The following ZNF292 variants were observed in gnomAD, a reference collection of about 807,000 sequenced individuals.
ZNF292 encodes zinc finger protein 292.
A neutral mutation model predicts 217.9 loss-of-function variants in ZNF292; 26 were observed. The observed-to-expected ratio is 0.12, with a 90% confidence interval of 0.09 to 0.17. The LOEUF is 0.17. Among genes scored for constraint, ZNF292 ranks in the 10% least tolerant of loss-of-function variants. The pLI is 1.00. For missense variants in ZNF292, 2,904 were observed against 3,175.2 expected (o/e 0.91, Z 2.05); for synonymous variants, 1,257 against 1,124.1 (o/e 1.12, Z -2.37).
chr6:87,255,091 G>A lies in ZNF292; in HGVS notation c.1462G>A (p.Glu488Lys). Residue 488 changes from glutamate to lysine, a missense_variant, in exon 8 of 8, where the codon GAG becomes AAG. Coordinates refer to ENST00000369577, the MANE Select transcript of ZNF292 (RefSeq NM_015021.3). Reference sequence around the variant, plus strand: ...TGAAAAAGTGGTAGACTACCAAGAAGAGAGTAAAGAAACTTCTATGAATGG... The same window carrying A: ...TGAAAAAGTGGTAGACTACCAAGAAAAGAGTAAAGAAACTTCTATGAATGG... The part of the protein sequence containing the change: ...VYEKVVDYQE[E>K]SKETSMNGLS... 1 of 1,613,592 alleles carries A rather than the reference G, an allele frequency of 6.2e-7. No homozygotes were observed. Among genetic ancestry groups the A allele is most frequent in the Non-Finnish European group, 8.5e-7 (1 of 1,179,838 alleles).
At chr6:87,188,599 T>G (rs1771731634) in intron 1 of ZNF292, among the ~76,000 whole-genome samples, 1 of 152,106 alleles carries the variant, frequency 6.6e-6, no homozygotes, top group Non-Finnish European at 1.5e-5. Context: ...CCATGTTAAC[T>G]TGAAAATTAC....
intron 1 of ZNF292, among the ~76,000 whole-genome samples, chr6:87,177,606 G>A (rs541873892): frequency 2.6e-5 from 4 of 152,100 alleles, no homozygotes; most frequent in Non-Finnish European, 4.4e-5. Context: ...TCCTTCCAAA[G>A]CACAGATACC....
At chr6:87,216,263 A>G (rs1268692361) in intron 2 of ZNF292, 36 bp from the exon 3 acceptor site, 1 of 1,513,362 alleles carries the variant, frequency 6.6e-7, no homozygotes, top group Non-Finnish European at 9.0e-7. Flanking sequence ...GAATTTTAAT[A>G]ATTATTCCTC....
chr6:87,199,141 GT>G (rs1378361863), intron 1 of ZNF292, among the ~76,000 whole-genome samples: 1 of 152,174 alleles, frequency 6.6e-6, no homozygotes, highest in Non-Finnish European at 1.5e-5. Context: ...GAGAGTTACA[GT>G]TTCTCTGTAT....
intron 3 of ZNF292, among the ~76,000 whole-genome samples, chr6:87,217,361 T>C (rs1772841673): frequency 6.6e-6 from 1 of 152,114 alleles, no homozygotes. Flanking sequence ...ACATAACAGA[T>C]GCTTAATAAC....
intron 1 of ZNF292, among the ~76,000 whole-genome samples, chr6:87,189,228 T>A (rs1771753549): frequency 6.6e-6 from 1 of 151,910 alleles, no homozygotes; most frequent in African/African-American, 2.4e-5. Context: ...TAAAAATAAA[T>A]AAATAAAATA....
chr6:87,235,251 A>T (rs116821815), intron 5 of ZNF292, among the ~76,000 whole-genome samples: 3,629 of 152,120 alleles, frequency 0.024, 119 homozygotes, highest in African/African-American at 0.078. Context: ...TAACATTTTT[A>T]AAAAAATCAT....
intron 1 of ZNF292, among the ~76,000 whole-genome samples, chr6:87,171,677 T>G (rs1400278979): frequency 6.6e-6 from 1 of 152,240 alleles, no homozygotes; most frequent in East Asian, 1.9e-4. Context: ...ACAGTCTTTT[T>G]TGTACATCTT....
chr6:87,169,336 C>T (rs539156017), intron 1 of ZNF292, among the ~76,000 whole-genome samples: 30 of 152,098 alleles, frequency 2.0e-4, no homozygotes, highest in Middle Eastern at 3.4e-3. Flanking sequence ...CCACTGCGCC[C>T]AGCCTCCTTT....
Position 87,261,188 on chromosome 6 carries a change from G to C in ZNF292, c.7559G>C (p.Cys2520Ser). 6.2e-7 allele frequency: 1 copy of C among 1,612,766 alleles called. No homozygotes were observed. Among genetic ancestry groups the C allele is most frequent in the Non-Finnish European group, 8.5e-7 (1 of 1,179,514 alleles). ...VSNDFQEDNL[C>S]QSERQKASNL... ...AATGATTTTCAGGAAGATAACCTCT[G>C]CCAGTCAGAAAGACAAAAAGCAAGT... is the stretch of plus-strand genomic sequence containing the variant. The change falls in exon 8 of 8, where the codon TGC becomes TCC. Residue 2520 changes from cysteine to serine, a missense_variant. Physicochemically the swap from Cys to Ser is moderately radical, Grantham distance 112. Coordinates refer to ENST00000369577, the MANE Select transcript of ZNF292 (RefSeq NM_015021.3).
At chr6:87,178,573 T>G (rs890632536) in intron 1 of ZNF292, among the ~76,000 whole-genome samples, 29 of 152,210 alleles carry the variant, frequency 1.9e-4, no homozygotes, top group African/African-American at 6.8e-4. Context: ...TACGTTTGTG[T>G]GTTGTGTATG....
chr6:87,258,134 C>T lies in ZNF292; in HGVS notation c.4505C>T (p.Thr1502Ile). 1 of 1,612,326 alleles carries T rather than the reference C, an allele frequency of 6.2e-7. No individual in the cohort carries two copies. Among genetic ancestry groups the T allele is most frequent in the Non-Finnish European group, 8.5e-7 (1 of 1,179,214 alleles). The change falls in exon 8 of 8, where the codon ACA becomes ATA. Residue 1502 changes from threonine (T) to isoleucine (I), a missense_variant. Around this residue, in one of 15 missense-constraint regions of ZNF292, gnomAD observed 622 missense variants for 573.1 expected, o/e 1.09. Transcript: ENST00000369577. ...TTGGAAACTGCTGGCATTCCCAGTA[C>T]ATTTGAGGGTGCCGAAATGCTTTCT... ...QALETAGIPS[T>I]FEGAEMLSHV... is the part of the protein sequence containing the mutation.
intron 1 of ZNF292, among the ~76,000 whole-genome samples, chr6:87,209,104 A>T (rs1290936734): frequency 7.3e-6 from 1 of 137,302 alleles, no homozygotes. Context: ...CCCCACTTTC[A>T]CCCCCCCCTC....
Position 87,261,022 on chromosome 6 carries a change from A to G in ZNF292, c.7393A>G (p.Thr2465Ala), listed in dbSNP as rs967383451. The change falls in exon 8 of 8, where the codon ACA (threonine) becomes GCA (alanine). Residue 2465 changes from threonine to alanine, a missense_variant. Physicochemically the swap from Thr to Ala is moderately conservative, Grantham distance 58 (BLOSUM62 0). Coordinates refer to ENST00000369577, the MANE Select transcript of ZNF292 (RefSeq NM_015021.3). Reference sequence around the variant, plus strand: ...AGAGAGCAATGATAATTCAAGAACAACAGCTACAGTTTCACAAAAGGAAGT... The same window carrying G: ...AGAGAGCAATGATAATTCAAGAACAGCAGCTACAGTTTCACAAAAGGAAGT... The part of the protein sequence containing the change: ...VSESNDNSRT[T>A]ATVSQKEVEK... The G allele has an allele frequency of 2.5e-6, 4 of 1,604,446 alleles. No individual in the cohort carries two copies. Among genetic ancestry groups the G allele is most frequent in the Admixed American group, 3.4e-5 (2 of 58,250 alleles).
At chr6:87,236,529 T>TA (rs1209674118) in intron 5 of ZNF292, among the ~76,000 whole-genome samples, 1 of 152,102 alleles carries the variant, frequency 6.6e-6, no homozygotes, top group East Asian at 1.9e-4. Flanking sequence ...GGTATAGTAG[T>TA]AAAAAATTAA....
intron 1 of ZNF292, chr6:87,174,422 G>A (rs1443316046): frequency 6.6e-6 from 1 of 152,214 alleles, no homozygotes; most frequent in Non-Finnish European, 1.5e-5. Context: ...ATACCTTGAT[G>A]TATAAAATAA....
In ZNF292 at chr6:87,264,482, GAA is replaced by G. The variant is rs1408465237; in HGVS notation, c.*2683_*2684del. ...CAGTCACAGTTGCTGTAGATAATAT[GAA>G]AGTACAATAATACTATACCTAGGGA... On this transcript the variant is annotated 3_prime_UTR_variant, in exon 8 of 8. Transcript: ENST00000369577. 1.3e-5 allele frequency among the ~76,000 whole-genome samples: 2 copies of G among 152,184 alleles called. No individual in the cohort carries two copies. The highest frequency in any genetic ancestry group is 2.9e-5 in the Non-Finnish European group (2 of 68,026).
At chr6:87,170,062 A>G (rs547952553) in intron 1 of ZNF292, 1 of 146,596 alleles carries the variant, frequency 6.8e-6, no homozygotes, top group South Asian at 2.2e-4. Flanking sequence ...CACTATATAC[A>G]AAACTTAAAA....
At chr6:87,234,194 A>C (rs896332571) in intron 5 of ZNF292, among the ~76,000 whole-genome samples, 1 of 152,224 alleles carries the variant, frequency 6.6e-6, no homozygotes, top group African/African-American at 2.4e-5. Context: ...GGAAGTTGGA[A>C]ACAGGGTAGG....
Sources: allele counts gnomAD v4.1 joint callset (sites outside exome capture counted in the v4.1 genomes callset), GRCh38; gene constraint gnomAD v4.1.1; regional missense constraint gnomAD v4.1.1; transcripts MANE v1.5; gene names NCBI Gene and HGNC (gene_info 2026-07-23, HGNC 2026-07-21).